Variants in TMCO5A observed in about 807,000 individuals in gnomAD.
TMCO5A encodes transmembrane and coiled-coil domains 5A, also known as transmembrane and coiled-coil domain-containing protein 5A.
In TMCO5A, 34 loss-of-function variants were observed where a neutral mutation model predicts 42.3. The observed-to-expected ratio is 0.80, with a 90% CI of 0.61 to 1.07. TMCO5A has a LOEUF of 1.07. Among genes scored for constraint, TMCO5A ranks in the 50% least tolerant of loss-of-function variants. TMCO5A has a pLI of 0.00. For synonymous variants in TMCO5A, 131 were observed against 115.6 expected (o/e 1.13, Z -0.86); for missense variants, 357 against 327.9 (o/e 1.09, Z -0.69).
At chr15:38,032,977 G>A in the TMCO5A span, among the ~76,000 whole-genome samples, 200 of 148,474 alleles carry the variant, frequency 1.3e-3, 5 homozygotes, top group South Asian at 0.04. Context: ...GCCCAGGCTG[G>A]AGTGCAGTGG....
rs1270911512 is a variant in TMCO5A, at chr15:37,941,725, A to G, written c.499A>G (p.Ile167Val). The change falls in exon 8 of 12, where the codon ATA becomes GTA. Residue 167 changes from isoleucine (I) to valine (V), a missense_variant. Physicochemically the swap from Ile to Val is conservative, Grantham distance 29. Coordinates refer to ENST00000319669, the MANE Select transcript of TMCO5A (RefSeq NM_152453.4). ...GCTCTGTGAAGATCAAGCCCTCTAC[A>G]TAAAGGTAGAGCTTCTTGGTAAAGG... The part of the protein sequence containing the change: ...TQLCEDQALY[I>V]KKYQETLKKI... The G allele has an allele frequency of 4.4e-6, 7 of 1,609,122 alleles. No homozygotes were observed. The highest frequency in any genetic ancestry group is 1.3e-5 in the African/African-American group (1 of 74,786).
the TMCO5A span, among the ~76,000 whole-genome samples, chr15:37,977,931 C>CA: frequency 1.3e-5 from 2 of 152,204 alleles, no homozygotes; most frequent in South Asian, 4.1e-4. Context: ...ATGCGGAAGA[C>CA]AGACTTGCCT....
chr15:37,939,872 T>C (rs1396087052), intron 6 of TMCO5A, among the ~76,000 whole-genome samples: 2 of 152,032 alleles, frequency 1.3e-5, no homozygotes, highest in African/African-American at 2.4e-5. Context: ...TGGATGTAAC[T>C]GACTGAAGAG....
At chr15:37,939,719 T>C (rs1314121713) in intron 6 of TMCO5A, among the ~76,000 whole-genome samples, 1 of 151,216 alleles carries the variant, frequency 6.6e-6, no homozygotes, top group Non-Finnish European at 1.5e-5. Flanking sequence ...ATTCTGTGAA[T>C]GTACAGAATC....
At chr15:37,995,776 A>T in the TMCO5A span, among the ~76,000 whole-genome samples, 1 of 152,134 alleles carries the variant, frequency 6.6e-6, no homozygotes, top group East Asian at 1.9e-4. Flanking sequence ...AGATATAAGA[A>T]ATAGATGAGA....
the TMCO5A span, among the ~76,000 whole-genome samples, chr15:38,028,563 A>T: frequency 1.3e-5 from 2 of 152,208 alleles, no homozygotes; most frequent in South Asian, 4.1e-4. Context: ...TTGCTCACAG[A>T]TTAATTTCTC....
the TMCO5A span, among the ~76,000 whole-genome samples, chr15:38,013,312 G>C: frequency 6.7e-6 from 1 of 149,832 alleles, no homozygotes; most frequent in Non-Finnish European, 1.5e-5. Context: ...AGCACCACAG[G>C]AAGGAGGGAA....
chr15:37,953,496 C>A (rs1890210465), downstream of TMCO5A, among the ~76,000 whole-genome samples: 1 of 152,122 alleles, frequency 6.6e-6, no homozygotes, highest in Non-Finnish European at 1.5e-5. Context: ...TTGGCAAGAA[C>A]CACAGTATTA....
At chr15:38,014,847 G>A in the TMCO5A span, among the ~76,000 whole-genome samples, 2 of 95,738 alleles carry the variant, frequency 2.1e-5, no homozygotes, top group African/African-American at 8.1e-5. Context: ...ACTAATAGGA[G>A]AAAGATTATA....
chr15:37,969,120 C>T (rs1194846006), downstream of TMCO5A, among the ~76,000 whole-genome samples: 2 of 152,088 alleles, frequency 1.3e-5, no homozygotes, highest in African/African-American at 4.8e-5. Context: ...GAGTAATTCT[C>T]CATGTCTACG....
At chr15:38,037,044 G>A in the TMCO5A span, among the ~76,000 whole-genome samples, 1 of 152,190 alleles carries the variant, frequency 6.6e-6, no homozygotes, top group Non-Finnish European at 1.5e-5. Flanking sequence ...AAGGTAAATA[G>A]TGCTGAACAG....
At chr15:38,001,470 A>T in the TMCO5A span, among the ~76,000 whole-genome samples, 2 of 144,176 alleles carry the variant, frequency 1.4e-5, no homozygotes, top group African/African-American at 2.6e-5. Context: ...TAGCCACTCT[A>T]TGTCTTTTGG....
chr15:37,977,330 T>C, the TMCO5A span, among the ~76,000 whole-genome samples: 13 of 152,194 alleles, frequency 8.5e-5, no homozygotes, highest in African/African-American at 2.9e-4. Context: ...CTGGTTCTTA[T>C]TTGTGTGGGT....
At chr15:38,009,922 C>T in the TMCO5A span, among the ~76,000 whole-genome samples, 1 of 152,118 alleles carries the variant, frequency 6.6e-6, no homozygotes, top group Non-Finnish European at 1.5e-5. Flanking sequence ...AATGCCCCCC[C>T]AAAAATTATT....
At chr15:37,976,043 C>A in the TMCO5A span, among the ~76,000 whole-genome samples, 31,566 of 149,154 alleles carry the variant, frequency 0.21, 7,896 homozygotes, top group African/African-American at 0.6. Flanking sequence ...CAGGAGTTTG[C>A]GACTAGCCTG....
chr15:37,974,532 T>C, the TMCO5A span, among the ~76,000 whole-genome samples: 1 of 152,172 alleles, frequency 6.6e-6, no homozygotes, highest in South Asian at 2.1e-4. Flanking sequence ...GGTTTTCTAG[T>C]TTTTGTGCTT....
At chr15:37,955,891 C>G (rs1379186375), downstream of TMCO5A, among the ~76,000 whole-genome samples, 2 of 152,130 alleles carry the variant, frequency 1.3e-5, no homozygotes, top group African/African-American at 4.8e-5. Flanking sequence ...TCATAACAAA[C>G]AGCCTCTCAG....
chr15:37,941,047 C>T (rs1889719464), intron 6 of TMCO5A, 102 bp from the exon 7 acceptor site: 3 of 1,031,914 alleles, frequency 2.9e-6, no homozygotes, highest in Non-Finnish European at 4.5e-6. Flanking sequence ...GAAGTCATGG[C>T]CCTGAGGCTC....
intron 10 of TMCO5A, 31 bp downstream of exon 10, chr15:37,943,429 A>G (rs779588940): frequency 6.2e-7 from 1 of 1,607,952 alleles, no homozygotes; most frequent in Non-Finnish European, 8.5e-7. Context: ...TCAGCTCCTC[A>G]CAGTGTCATT....
Sources: allele counts gnomAD v4.1 joint callset (sites outside exome capture counted in the v4.1 genomes callset), GRCh38; gene constraint gnomAD v4.1.1; transcripts MANE v1.5; gene names NCBI Gene and HGNC (gene_info 2026-07-23, HGNC 2026-07-21).